The following KDM5A variants were observed in gnomAD, a reference collection of about 807,000 sequenced individuals.
KDM5A encodes lysine demethylase 5A.
Under a neutral mutation model 193.5 loss-of-function variants are expected in KDM5A, and 42 were observed. The observed-to-expected ratio is 0.22, with a 90% CI of 0.17 to 0.28. The LOEUF is 0.28. KDM5A is among the 10% of genes least tolerant of loss of function. KDM5A has a pLI of 1.00. For synonymous variants in KDM5A, 796 were observed against 718.1 expected (o/e 1.11, Z -1.73); for missense variants, 1,692 against 2,055.1 (o/e 0.82, Z 3.42).
At chr12:286,168 A>AT in intron 27 of KDM5A, 1 of 509,666 alleles carries the variant, frequency 2.0e-6, no homozygotes, top group Non-Finnish European at 4.0e-6. Context: ...TAAAACTAAT[A>AT]TTTTTTATTC....
intron 10 of KDM5A, among the ~76,000 whole-genome samples, chr12:348,675 A>C (rs1944110005): frequency 6.6e-6 from 1 of 150,656 alleles, no homozygotes; most frequent in South Asian, 2.1e-4. Flanking sequence ...AAAACCAAAA[A>C]CCACGTGTTC....
At position 292,744 on chromosome 12, in the gene KDM5A, A is replaced by G; in HGVS notation, c.4866+15T>C. The G allele has an allele frequency of 6.2e-7, 1 of 1,614,188 alleles. No homozygotes were observed. The highest frequency in any genetic ancestry group is 8.5e-7 in the Non-Finnish European group (1 of 1,180,020). On this transcript the variant is annotated intron_variant, in intron 27 of 27. Transcript: ENST00000399788. ...CTTGACCTCTCATGCTTGACTATAA[A>G]CAGTTGGAACTCACCTTGTCCTTGC...
At chr12:302,029 A>G (rs1476398365) in intron 24 of KDM5A, among the ~76,000 whole-genome samples, 8 of 152,234 alleles carry the variant, frequency 5.3e-5, no homozygotes, top group Admixed American at 3.3e-4. Flanking sequence ...AAGAGGATAC[A>G]AACAAATGGA....
In KDM5A at chr12:388,155, C is replaced by T. The variant is rs141629302; in HGVS notation, c.165+772G>A. The T allele has an allele frequency of 7.6e-4, 284 of 375,320 alleles. 2 individuals are homozygous for T. The highest frequency in any genetic ancestry group is 5.6e-3 in the African/African-American group (266 of 47,346). The allele number at this position is 375,320 out of a possible 1,614,324, so 23.2% of individuals were successfully genotyped here. Reference sequence around the variant, plus strand: ...CTGGTCTAATGAGTAAAGAAAAACACCTTTGACCTTGAGTAATCACTCAAC... The same window carrying T: ...CTGGTCTAATGAGTAAAGAAAAACATCTTTGACCTTGAGTAATCACTCAAC... On this transcript the variant is annotated intron_variant, in intron 1 of 27. Coordinates refer to ENST00000399788, the MANE Select transcript of KDM5A (RefSeq NM_001042603.3).
At chr12:381,816 G>GTT (rs34380840) in intron 3 of KDM5A, among the ~76,000 whole-genome samples, 3 of 151,702 alleles carry the variant, frequency 2.0e-5, no homozygotes, top group Admixed American at 6.6e-5. Flanking sequence ...TGGTTACTCT[G>GTT]TTTTTTTGGA....
intron 4 of KDM5A, among the ~76,000 whole-genome samples, chr12:364,512 G>A (rs563084235): frequency 3.3e-4 from 49 of 148,468 alleles, no homozygotes; most frequent in African/African-American, 1.1e-3. Context: ...ACGGCCGGGC[G>A]CAGTGGCTCA....
At position 328,882 on chromosome 12, in the gene KDM5A, G is replaced by A. The variant is rs372588426; in HGVS notation, c.1921C>T (p.Leu641Phe). The A allele has an allele frequency of 1.6e-5, 26 of 1,614,058 alleles. No individual in the cohort carries two copies. Among genetic ancestry groups the A allele is most frequent in the African/African-American group, 1.3e-4 (10 of 74,920 alleles). The change falls in exon 14 of 28, where the codon CTC becomes TTC. Residue 641 changes from leucine (L) to phenylalanine (F), a missense_variant. Physicochemically the swap from Leu to Phe is conservative, Grantham distance 22. Coordinates refer to ENST00000399788, the MANE Select transcript of KDM5A (RefSeq NM_001042603.3). The part of the protein sequence containing the change: ...LAAMVCKELT[L>F]MTEEETRLRE... ...AATCGTGTTTCTTCTTCAGTCATGA[G>A]AGTCAATTCTTTGCAGACCATGGCA...
At chr12:326,234 A>G (rs564443111) in intron 14 of KDM5A, among the ~76,000 whole-genome samples, 2 of 152,376 alleles carry the variant, frequency 1.3e-5, no homozygotes, top group South Asian at 4.1e-4. Context: ...GAGTGGCTGG[A>G]CACAGCCTCT....
chr12:288,172 A>G (rs1943244541), intron 27 of KDM5A, among the ~76,000 whole-genome samples: 1 of 152,226 alleles, frequency 6.6e-6, no homozygotes, highest in African/African-American at 2.4e-5. Context: ...CCACAGCAAC[A>G]TAAAGCAAAC....
chr12:388,470 A>G (rs1186777858), intron 1 of KDM5A: 1 of 379,830 alleles, frequency 2.6e-6, no homozygotes, highest in African/African-American at 2.1e-5. Context: ...TTGTCTAGTA[A>G]TACCATCCGG....
chr12:310,907 T>C lies in KDM5A; in HGVS notation c.3194A>G (p.Asn1065Ser), dbSNP rs769667665. Residue 1065 changes from asparagine to serine, a missense_variant, in exon 21 of 28, where the codon AAT becomes AGT. Coordinates refer to ENST00000399788, the MANE Select transcript of KDM5A (RefSeq NM_001042603.3). ...ERTGRTFLKK[N>S]SSHTLLQVLS... ...TACCTGTAACAATGTATGGCTAGAA[T>C]TCTTCTTAAGAAACGTCCGCCCAGT... 2 of 1,614,100 alleles carry C rather than the reference T, an allele frequency of 1.2e-6. No individual in the cohort carries two copies. The highest frequency in any genetic ancestry group is 1.3e-5 in the African/African-American group (1 of 74,926).
chr12:381,035 C>G (rs925040117), intron 3 of KDM5A, among the ~76,000 whole-genome samples: 1 of 151,880 alleles, frequency 6.6e-6, no homozygotes, highest in Non-Finnish European at 1.5e-5. Flanking sequence ...GCTCTTATTG[C>G]CCAGGCTGAA....
Position 284,133 on chromosome 12 carries a change from T to C in KDM5A, c.*1323A>G. On this transcript the variant is annotated 3_prime_UTR_variant, in exon 28 of 28. Coordinates refer to ENST00000399788, the MANE Select transcript of KDM5A (RefSeq NM_001042603.3). ...GTACTACAAAGAAGGAATGGGATTT[T>C]TTTTTTTAAAGCAAAAAAGAAAAAG... is the stretch of plus-strand genomic sequence containing the variant. 1 of 231,532 alleles carries C rather than the reference T, an allele frequency of 4.3e-6. No homozygotes were observed. Among genetic ancestry groups the C allele is most frequent in the Non-Finnish European group, 8.6e-6 (1 of 116,856 alleles). 14.3% of individuals were successfully genotyped at this position (231,532 alleles called of 1,614,324 possible).
At chr12:351,397 T>C (rs939047542) in intron 9 of KDM5A, among the ~76,000 whole-genome samples, 1 of 152,290 alleles carries the variant, frequency 6.6e-6, no homozygotes, top group African/African-American at 2.4e-5. Flanking sequence ...ACTTATCCTT[T>C]TTTATGACTG....
rs561723946 is a variant in KDM5A, at chr12:355,527, C to T, written c.779-278G>A. Among the ~76,000 whole-genome samples the T allele has an allele frequency of 3.9e-5, 6 of 152,274 alleles. No individual in the cohort carries two copies. In the East Asian group the frequency reaches 7.7e-4, roughly 20 times the overall value. ...ATTAATGTTGTATGTGTATGCAGTA[C>T]GTACTACATACAACCTGCAGGTATT... is the stretch of plus-strand genomic sequence containing the variant. On this transcript the variant is annotated intron_variant, in intron 6 of 27. Coordinates refer to ENST00000399788, the MANE Select transcript of KDM5A (RefSeq NM_001042603.3).
At position 318,380 on chromosome 12, in the gene KDM5A, G is replaced by A; in HGVS notation, c.2623C>T (p.Gln875Ter). Residue 875 changes from glutamine to a stop codon, truncating the protein, a stop_gained, in exon 19 of 28, where the codon CAG (glutamine) becomes TAG (stop). Coordinates refer to ENST00000399788, the MANE Select transcript of KDM5A (RefSeq NM_001042603.3). LOFTEE classifies it high-confidence loss of function. ...CTAGAGCCCATATCTATCAACATCT[G>A]GAGTTTGGAAGAATCTGGGGTTTCA... ...MDETPDSSKL[Q>*]MLIDMGSSLY... is the part of the protein sequence containing the mutation. 1 of 1,614,134 alleles carries A rather than the reference G, an allele frequency of 6.2e-7. No individual in the cohort carries two copies. The highest frequency in any genetic ancestry group is 8.5e-7 in the Non-Finnish European group (1 of 1,180,006).
At chr12:343,524 A>C (rs1186214460) in intron 10 of KDM5A, among the ~76,000 whole-genome samples, 1 of 152,178 alleles carries the variant, frequency 6.6e-6, no homozygotes, top group East Asian at 1.9e-4. Context: ...CAGACACTTC[A>C]TATAGACAGC....
rs60377454 is a variant in KDM5A at position 323,210 on chromosome 12, C to CAAAAAAAAAAAAAAAAAAAAA, written c.2151-25_2151-5dup. On this transcript the variant is annotated splice_region_variant and splice_polypyrimidine_tract_variant and intron_variant, in intron 15 of 27. Transcript: ENST00000399788. Reference sequence around the variant, plus strand: ...GTCTTCTAATGGGTAGCGATATCTACAAAAAAAAAAAAAAAAAAAAAAAAA... The same window carrying CAAAAAAAAAAAAAAAAAAAAA: ...GTCTTCTAATGGGTAGCGATATCTACAAAAAAAAAAAAAAAAAAAAAAAAAAAAAAAAAAAAAAAAAAAAAA... 211 of 297,116 alleles carry CAAAAAAAAAAAAAAAAAAAAA rather than the reference C, an allele frequency of 7.1e-4. 17 individuals carry two copies. Among genetic ancestry groups the CAAAAAAAAAAAAAAAAAAAAA allele is most frequent in the Admixed American group, 1.5e-3 (12 of 7,930 alleles). The allele number at this position is 297,116 out of a possible 1,614,324, so 18.4% of individuals were successfully genotyped here. A position where few individuals can be genotyped will look rare whatever the true frequency, so the allele number is the denominator to read the frequency against.
At chr12:345,008 T>C (rs1421316597) in intron 10 of KDM5A, among the ~76,000 whole-genome samples, 1 of 152,006 alleles carries the variant, frequency 6.6e-6, no homozygotes, top group Non-Finnish European at 1.5e-5. Flanking sequence ...CAGTGTGCCG[T>C]ATTCAGGAGA....
Sources: gnomAD v4.1 joint callset for allele counts (sites outside exome capture counted in the v4.1 genomes callset) on GRCh38, gnomAD v4.1.1 for gene constraint, MANE v1.5 for transcripts, NCBI Gene and HGNC (gene_info 2026-07-23, HGNC 2026-07-21) for gene names.